Variants in CSMD3 observed in about 807,000 individuals in gnomAD.
The protein encoded by CSMD3 is CUB and sushi domain-containing protein 3.
In CSMD3, 177 loss-of-function variants were observed where a neutral mutation model predicts 435.2. That is an observed-to-expected ratio of 0.41 (90% CI 0.36 to 0.46). The LOEUF (loss-of-function observed/expected upper bound fraction) is 0.46. CSMD3 is among the 20% of genes least tolerant of loss of function. The pLI is 0.34. For missense variants in CSMD3, 4,265 were observed against 4,504.6 expected (o/e 0.95, Z 1.52); for synonymous variants, 1,656 against 1,520.5 (o/e 1.09, Z -2.07).
chr8:112,340,748 C>CTAAAAA (rs1825011933), intron 42 of CSMD3, among the ~76,000 whole-genome samples: 1 of 151,984 alleles, frequency 6.6e-6, no homozygotes, highest in Admixed American at 6.6e-5. Context: ...TGAGTAATTA[C>CTAAAAA]TAAAAATATA....
intron 2 of CSMD3, among the ~76,000 whole-genome samples, chr8:113,291,694 T>C (rs1325111066): frequency 2.0e-5 from 3 of 151,820 alleles, no homozygotes; most frequent in East Asian, 1.9e-4. Flanking sequence ...TATCAGATAC[T>C]GAAAGGTTTA....
At chr8:113,000,042 A>T (rs148910193) in intron 6 of CSMD3, among the ~76,000 whole-genome samples, 1 of 152,136 alleles carries the variant, frequency 6.6e-6, no homozygotes, top group East Asian at 1.9e-4. Context: ...ATTTAAAGCT[A>T]TGGAACTGCA....
intron 53 of CSMD3, among the ~76,000 whole-genome samples, chr8:112,296,215 A>C (rs1352878037): frequency 6.6e-6 from 1 of 152,192 alleles, no homozygotes; most frequent in Non-Finnish European, 1.5e-5. Context: ...GTGTCTAGTG[A>C]CACTTGGGTC....
At chr8:112,838,488 TG>T (rs1253531423) in intron 11 of CSMD3, among the ~76,000 whole-genome samples, 1 of 151,784 alleles carries the variant, frequency 6.6e-6, no homozygotes, top group African/African-American at 2.4e-5. Context: ...AAACTTGGAC[TG>T]TGGAAGTAGG....
chr8:112,899,536 A>G (rs1441550339), intron 10 of CSMD3, among the ~76,000 whole-genome samples: 1 of 143,752 alleles, frequency 7.0e-6, no homozygotes, highest in African/African-American at 2.5e-5. Context: ...ATATAGAAAT[A>G]TACTATATAT....
intron 7 of CSMD3, among the ~76,000 whole-genome samples, chr8:112,955,484 C>A (rs2083982130): frequency 6.6e-6 from 1 of 151,804 alleles, no homozygotes; most frequent in Non-Finnish European, 1.5e-5. Context: ...TTGGCACATT[C>A]ATCACTGCAA....
rs2074675394 is a variant in CSMD3 at position 112,636,881 on chromosome 8, T to C, written c.3651A>G (p.Thr1217=). The change falls in exon 22 of 71, where the codon ACA becomes ACG. Residue 1217 remains threonine (T), a synonymous_variant. Transcript: ENST00000297405. ...CACCACCAAGACAGATGATCTCTGATGTTCCTTCCAGTCGATAACCCGAAG... is the reference window on the plus strand; with the variant it reads ...CACCACCAAGACAGATGATCTCTGACGTTCCTTCCAGTCGATAACCCGAAG... The part of the protein sequence containing the change: ...SCSSGYRLEG[T]SEIICLGGGR... The C allele has an allele frequency of 3.1e-6, 5 of 1,613,096 alleles. No homozygotes were observed. The highest frequency in any genetic ancestry group is 1.3e-5 in the African/African-American group (1 of 74,746).
intron 31 of CSMD3, among the ~76,000 whole-genome samples, chr8:112,491,372 C>T (rs1248619008): frequency 2.6e-5 from 4 of 152,124 alleles, no homozygotes; most frequent in South Asian, 2.1e-4. Context: ...TATGTACTCT[C>T]GGCCGGGTGC....
At chr8:113,261,559 G>A (rs537291132) in intron 3 of CSMD3, among the ~76,000 whole-genome samples, 14 of 152,182 alleles carry the variant, frequency 9.2e-5, no homozygotes, top group African/African-American at 2.6e-4. Context: ...AGAGCTTTGC[G>A]TGTGTGGGTG....
chr8:112,472,497 G>T (rs984172167), intron 32 of CSMD3, 94 bp downstream of exon 32: 1 of 775,658 alleles, frequency 1.3e-6, no homozygotes, highest in Admixed American at 1.7e-5. Flanking sequence ...TTTATGGATA[G>T]CACGTATTTT....
At chr8:112,550,447 A>AT (rs1827580859) in intron 27 of CSMD3, among the ~76,000 whole-genome samples, 1 of 151,786 alleles carries the variant, frequency 6.6e-6, no homozygotes, top group Non-Finnish European at 1.5e-5. Flanking sequence ...AGAATAAATG[A>AT]TTTTACAGGT....
At chr8:112,976,269 C>A (rs2084844423) in intron 6 of CSMD3, 121 bp from the exon 7 acceptor site, 1 of 1,136,294 alleles carries the variant, frequency 8.8e-7, no homozygotes, top group Non-Finnish European at 1.3e-6. Context: ...CATGAAGAGG[C>A]AAAACACAAA....
chr8:112,962,753 A>G (rs2084277722), intron 7 of CSMD3, among the ~76,000 whole-genome samples: 1 of 151,902 alleles, frequency 6.6e-6, no homozygotes, highest in African/African-American at 2.4e-5. Flanking sequence ...CAAAATGCCA[A>G]CACACTCATC....
At chr8:113,047,800 G>C (rs1484934304) in intron 5 of CSMD3, among the ~76,000 whole-genome samples, 1 of 152,140 alleles carries the variant, frequency 6.6e-6, no homozygotes, top group African/African-American at 2.4e-5. Flanking sequence ...TTAGTGGTGT[G>C]CATTTGATTC....
intron 9 of CSMD3, among the ~76,000 whole-genome samples, chr8:112,934,564 A>G (rs183102188): frequency 4.6e-5 from 7 of 152,284 alleles, no homozygotes; most frequent in Non-Finnish European, 8.8e-5. Flanking sequence ...CAAATATCAT[A>G]CCATTTTGCT....
At chr8:112,500,091 A>T (rs1821793404) in intron 30 of CSMD3, among the ~76,000 whole-genome samples, 1 of 152,092 alleles carries the variant, frequency 6.6e-6, no homozygotes, top group Non-Finnish European at 1.5e-5. Flanking sequence ...TCTGGGCAAC[A>T]CAGCGATACT....
chr8:112,458,215 C>CACACACACA (rs1554579456), intron 32 of CSMD3, among the ~76,000 whole-genome samples: 17 of 150,686 alleles, frequency 1.1e-4, no homozygotes, highest in Non-Finnish European at 1.8e-4. Flanking sequence ...ACACTCACAC[C>CACACACACA]CACACACACA....
chr8:112,591,283 G>T (rs1221477241), intron 22 of CSMD3, among the ~76,000 whole-genome samples: 1 of 152,014 alleles, frequency 6.6e-6, no homozygotes, highest in African/African-American at 2.4e-5. Flanking sequence ...GATAAATGTG[G>T]CTTTAGTTGG....
rs569872713 is a variant in CSMD3, at chr8:112,979,804, C to A, written c.1031-3656G>T. Among the ~76,000 whole-genome samples, 22 of 151,112 alleles carry A rather than the reference C, an allele frequency of 1.5e-4. No individual in the cohort carries two copies. The South Asian group carries it at 2.9e-3, about 20-fold the overall frequency. On this transcript the variant is annotated intron_variant, in intron 6 of 70. Coordinates refer to ENST00000297405, the MANE Select transcript of CSMD3 (RefSeq NM_198123.2). ...GTGTAGCTTATCACAATTAGATTAT[C>A]CTGTCATTAAGTTACTTGAGAAAAA... is the stretch of plus-strand genomic sequence containing the variant.
Sources: allele counts gnomAD v4.1 joint callset (sites outside exome capture counted in the v4.1 genomes callset), GRCh38; gene constraint gnomAD v4.1.1; transcripts MANE v1.5; gene names NCBI Gene and HGNC (gene_info 2026-07-23, HGNC 2026-07-21).